The following E2F3 variants were observed in gnomAD, a reference collection of about 807,000 sequenced individuals.
The protein encoded by E2F3 is E2F transcription factor 3.
A neutral mutation model predicts 44.4 loss-of-function variants in E2F3; 11 were observed. That is an observed-to-expected ratio of 0.25 (90% confidence interval 0.16 to 0.41). The LOEUF (loss-of-function observed/expected upper bound fraction) is 0.41. Ranked by LOEUF, E2F3 falls within the 10% of genes least tolerant of loss-of-function variation. The pLI is 1.00. For missense variants in E2F3, 487 were observed against 583.6 expected (o/e 0.83, Z 1.70); for synonymous variants, 249 against 253.0 (o/e 0.98, Z 0.15).
intron 1 of E2F3, among the ~76,000 whole-genome samples, chr6:20,439,786 C>T (rs1349196312): frequency 1.3e-5 from 2 of 152,200 alleles, no homozygotes; most frequent in African/African-American, 4.8e-5. Flanking sequence ...CCTCGGCCTC[C>T]CAGAACATTG....
chr6:20,471,097 T>C (rs1297503924), intron 1 of E2F3, among the ~76,000 whole-genome samples: 2 of 152,250 alleles, frequency 1.3e-5, no homozygotes, highest in Non-Finnish European at 2.9e-5. Flanking sequence ...TTTTCAACTA[T>C]TTGGTGTGTG....
Position 20,402,306 on chromosome 6 carries a change from T to C in E2F3, c.74T>C (p.Val25Ala). ...GGGGGTGGGGAGGGGGCGGCTGTCG[T>C]CGCCGCCGCCGCTGCAGCCTCCATG... Reference protein sequence around the residue: ...TAGGGEGAAVVAAAAAASMDK... With the variant: ...TAGGGEGAAVAAAAAAASMDK... Residue 25 changes from valine (V) to alanine (A), a missense_variant, in exon 1 of 7, where the codon GTC (valine) becomes GCC (alanine). Physicochemically the swap from Val to Ala is moderately conservative, Grantham distance 64. Coordinates refer to ENST00000346618, the MANE Select transcript of E2F3 (RefSeq NM_001949.5). The surrounding 1 kb of genome is among the most constrained non-coding windows in gnomAD (Gnocchi z 5.6). The C allele has an allele frequency of 6.2e-7, 1 of 1,606,726 alleles. No homozygotes were observed.
At chr6:20,464,507 C>G (rs1298192923) in intron 1 of E2F3, among the ~76,000 whole-genome samples, 1 of 152,218 alleles carries the variant, frequency 6.6e-6, no homozygotes, top group Non-Finnish European at 1.5e-5. Flanking sequence ...ATGGTTATTT[C>G]AGGTTTCAGG....
intron 3 of E2F3, among the ~76,000 whole-genome samples, chr6:20,482,389 CTCTA>C (rs1265386549): frequency 8.5e-6 from 1 of 117,698 alleles, no homozygotes; most frequent in Non-Finnish European, 1.8e-5. Flanking sequence ...CTCTGTCTTT[CTCTA>C]TCTTTTTATC....
In E2F3 at chr6:20,402,751, T is replaced by C. The variant is rs546158753; in HGVS notation, c.393+126T>C. 293 of 1,246,276 alleles carry C rather than the reference T, an allele frequency of 2.4e-4. 6 individuals are homozygous for C. The South Asian group carries it at 5.7e-3, about 24-fold the overall frequency. The allele number at this position is 1,246,276 out of a possible 1,614,324, so 77.2% of individuals were successfully genotyped here. On this transcript the variant is annotated intron_variant, in intron 1 of 6. Coordinates refer to ENST00000346618, the MANE Select transcript of E2F3 (RefSeq NM_001949.5). The surrounding 1 kb of genome is among the most constrained non-coding windows in gnomAD (Gnocchi z 5.6). ...GCCGAGCATCGTGGGCCTCGGGGGC[T>C]GCCCCTCCAACGAGGGTTCATTGTT...
rs1761024021 is a variant in E2F3, at chr6:20,448,566, G to T, written c.394-31280G>T. ...GGCATCTCTTCAGATAGACATAGAG[G>T]TACTTAAAAACCTTGGTTAATATGT... On this transcript the variant is annotated intron_variant, in intron 1 of 6. Coordinates refer to ENST00000346618, the MANE Select transcript of E2F3 (RefSeq NM_001949.5). Among the ~76,000 whole-genome samples the T allele has an allele frequency of 2.0e-5, 3 of 152,076 alleles. No homozygotes were observed. In the South Asian group the frequency reaches 6.2e-4, roughly 32 times the overall value.
chr6:20,481,182 G>A (rs778898372), intron 2 of E2F3, 24 bp from the exon 3 acceptor site: 35 of 1,609,456 alleles, frequency 2.2e-5, no homozygotes, highest in East Asian at 1.6e-4. Context: ...TCCCCCACCC[G>A]CTCGGTTTTT....
In E2F3 at chr6:20,488,121, A is replaced by G; in HGVS notation, c.1008A>G (p.Gln336=). Residue 336 remains glutamine, a synonymous_variant, in exon 6 of 7, where the codon CAA becomes CAG. Transcript: ENST00000346618. ...CCCACTTCTGTTCATAGAGCCTACA[A>G]ATACATTTGGCAAGTACCCAAGGGC... ...LEVPDSIESL[Q]IHLASTQGPI... is the part of the protein sequence containing the mutation. 6.2e-7 allele frequency: 1 copy of G among 1,614,076 alleles called. No individual in the cohort carries two copies. Among genetic ancestry groups the G allele is most frequent in the Non-Finnish European group, 8.5e-7 (1 of 1,180,030 alleles).
intron 4 of E2F3, among the ~76,000 whole-genome samples, chr6:20,483,722 A>C (rs1762305635): frequency 6.6e-6 from 1 of 152,216 alleles, no homozygotes; most frequent in Non-Finnish European, 1.5e-5. Flanking sequence ...CAATATTCTC[A>C]GTTATTAGAA....
rs1263818507 is a variant in E2F3, at chr6:20,402,593, C to CGCGGCGGCA, written c.370_378dup (p.Ser124_Gly126dup). 4 of 1,381,396 alleles carry CGCGGCGGCA rather than the reference C, an allele frequency of 2.9e-6. No individual in the cohort carries two copies. The highest frequency in any genetic ancestry group is 6.0e-5 in the East Asian group (2 of 33,400). The allele number at this position is 1,381,396 out of a possible 1,614,324, so 85.6% of individuals were successfully genotyped here. A position where few individuals can be genotyped will look rare whatever the true frequency, so the allele number is the denominator to read the frequency against. ...GCTGCAGCAGCCACCAGCGCTGGGA[C>CGCGGCGGCA]GCGGCGGCAGCGGCGGCGGCGGCGG... On this transcript the variant is annotated inframe_insertion, in exon 1 of 7. Coordinates refer to ENST00000346618, the MANE Select transcript of E2F3 (RefSeq NM_001949.5). The surrounding 1 kb of genome is among the most constrained non-coding windows in gnomAD (Gnocchi z 5.6).
rs146697642 is a variant in E2F3, at chr6:20,469,590, T to C, written c.394-10256T>C. Among the ~76,000 whole-genome samples the C allele has an allele frequency of 2.5e-3, 386 of 152,288 alleles. 2 individuals are homozygous for C. Among genetic ancestry groups the C allele is most frequent in the African/African-American group, 8.9e-3 (368 of 41,562 alleles). ...TTTTATTCCAAAAGTTCTAAGTCAG[T>C]GAGATTGCTTTTCCTTTAGAAACAT... On this transcript the variant is annotated intron_variant, in intron 1 of 6. Coordinates refer to ENST00000346618, the MANE Select transcript of E2F3 (RefSeq NM_001949.5).
chr6:20,486,874 C>G, intron 5 of E2F3, 71 bp downstream of exon 5: 2 of 993,364 alleles, frequency 2.0e-6, no homozygotes, highest in Non-Finnish European at 3.1e-6. Flanking sequence ...GACTCATTGA[C>G]TCATAGTTAA....
chr6:20,438,318 A>G (rs1051214375), intron 1 of E2F3, among the ~76,000 whole-genome samples: 10 of 152,040 alleles, frequency 6.6e-5, no homozygotes, highest in African/African-American at 2.4e-4. Flanking sequence ...AATTTTGGAT[A>G]CTCTAATTTG....
At chr6:20,450,775 C>G (rs1309770925) in intron 1 of E2F3, among the ~76,000 whole-genome samples, 1 of 152,088 alleles carries the variant, frequency 6.6e-6, no homozygotes, top group Non-Finnish European at 1.5e-5. Context: ...TTACACTTAC[C>G]TTTAATCCAT....
At chr6:20,477,422 A>G (rs886593728) in intron 1 of E2F3, among the ~76,000 whole-genome samples, 6 of 152,212 alleles carry the variant, frequency 3.9e-5, no homozygotes, top group African/African-American at 1.4e-4. Flanking sequence ...AATCCACAGG[A>G]TAGATTTCCC....
chr6:20,476,157 G>T (rs1466249536), intron 1 of E2F3, among the ~76,000 whole-genome samples: 2 of 152,084 alleles, frequency 1.3e-5, no homozygotes, highest in African/African-American at 4.8e-5. Context: ...GGATCACGAG[G>T]TCAGGAGATC....
intron 1 of E2F3, among the ~76,000 whole-genome samples, chr6:20,453,492 G>A (rs57230524): frequency 0.018 from 2,716 of 152,178 alleles, 88 homozygotes; most frequent in African/African-American, 0.061. Flanking sequence ...ACGGCTCACT[G>A]CAGCCTCGAC....
chr6:20,432,130 C>A (rs546238964), intron 1 of E2F3, among the ~76,000 whole-genome samples: 1 of 152,318 alleles, frequency 6.6e-6, no homozygotes, highest in Non-Finnish European at 1.5e-5. Flanking sequence ...TTAACGGGGA[C>A]GTGGGGGTGG....
rs530017043 is a variant in E2F3 at position 20,491,243 on chromosome 6, A to T, written c.*813A>T. On this transcript the variant is annotated 3_prime_UTR_variant, in exon 7 of 7. Coordinates refer to ENST00000346618, the MANE Select transcript of E2F3 (RefSeq NM_001949.5). ...CTTTGTGGATTGTTCTAGACTTTTA[A>T]TTTTTTTAGCTGCCATTTAAGCATT... 1.1e-4 allele frequency: 26 copies of T among 231,664 alleles called. No homozygotes were observed. The East Asian group carries it at 1.5e-3, about 14-fold the overall frequency. The allele number at this position is 231,664 out of a possible 1,614,324, so 14.4% of individuals were successfully genotyped here. A position where few individuals can be genotyped will look rare whatever the true frequency, so the allele number is the denominator to read the frequency against.
Sources: gnomAD v4.1 joint callset for allele counts (sites outside exome capture counted in the v4.1 genomes callset) on GRCh38, gnomAD v4.1.1 for gene constraint, Gnocchi (gnomAD v3.1) non-coding constraint, MANE v1.5 for transcripts, NCBI Gene and HGNC (gene_info 2026-07-23, HGNC 2026-07-21) for gene names.